Variants in MEI4 observed in about 807,000 individuals in gnomAD.
MEI4 encodes the protein meiotic double-stranded break formation protein 4.
A neutral mutation model predicts 31.4 loss-of-function variants in MEI4; 27 were observed. The ratio of observed to expected loss-of-function variants is 0.86; its 90% CI spans 0.63 to 1.19. MEI4 has a LOEUF of 1.19. Ranked by LOEUF, MEI4 falls within the 50% of genes most tolerant of loss-of-function variation. The probability of loss-of-function intolerance (pLI) is 0.00; values close to 1 mark genes in which losing one functional copy is unlikely to be tolerated. For missense variants in MEI4, 329 were observed against 398.9 expected (o/e 0.82, Z 1.49); for synonymous variants, 122 against 145.4 (o/e 0.84, Z 1.16).
intron 1 of MEI4, among the ~76,000 whole-genome samples, chr6:77,664,015 T>G (rs954212665): frequency 6.6e-6 from 1 of 152,182 alleles, no homozygotes; most frequent in Admixed American, 6.5e-5. Flanking sequence ...TTCCGGCACA[T>G]GTAGCAAGCT....
intron 3 of MEI4, among the ~76,000 whole-genome samples, chr6:77,827,632 T>C (rs1769987454): frequency 6.6e-6 from 1 of 152,070 alleles, no homozygotes; most frequent in African/African-American, 2.4e-5. Flanking sequence ...CAGGAAGATG[T>C]GAAAGAAAAA....
intron 3 of MEI4, among the ~76,000 whole-genome samples, chr6:77,773,015 A>G (rs1238517051): frequency 3.3e-5 from 5 of 152,038 alleles, no homozygotes; most frequent in Admixed American, 3.3e-4. Context: ...TGAAAACTGT[A>G]AAACACTGAT....
At chr6:77,861,721 C>G (rs922410946) in intron 4 of MEI4, among the ~76,000 whole-genome samples, 1 of 152,142 alleles carries the variant, frequency 6.6e-6, no homozygotes, top group Admixed American at 6.6e-5. Flanking sequence ...CTTGGATGAA[C>G]TTAAGCAAGT....
chr6:77,802,615 T>C (rs1769299401), intron 3 of MEI4, among the ~76,000 whole-genome samples: 1 of 152,204 alleles, frequency 6.6e-6, no homozygotes, highest in South Asian at 2.1e-4. Context: ...GCACCAGTTG[T>C]TCCTTTCCAT....
intron 2 of MEI4, among the ~76,000 whole-genome samples, chr6:77,745,574 T>C (rs898750389): frequency 3.3e-5 from 5 of 152,052 alleles, no homozygotes; most frequent in African/African-American, 9.7e-5. Flanking sequence ...GACAGAAAGT[T>C]AACAAGGATA....
chr6:77,650,389 G>C (rs1455044333), upstream of MEI4, among the ~76,000 whole-genome samples: 1 of 152,182 alleles, frequency 6.6e-6, no homozygotes, highest in East Asian at 1.9e-4. Context: ...TGTGGTCTCC[G>C]GGACCTGCTC....
chr6:77,898,028 T>G (rs1766119056), intron 4 of MEI4, among the ~76,000 whole-genome samples: 1 of 152,060 alleles, frequency 6.6e-6, no homozygotes, highest in African/African-American at 2.4e-5. Context: ...TGATTTTATG[T>G]ATGTAAGTAT....
chr6:77,652,504 A>T (rs1768317968), upstream of MEI4, among the ~76,000 whole-genome samples: 2 of 152,106 alleles, frequency 1.3e-5, no homozygotes, highest in Admixed American at 6.6e-5. Context: ...ACGTATTGAA[A>T]GGTAGAAGTC....
chr6:77,921,175 A>ATTATC (rs1348114693), intron 4 of MEI4, among the ~76,000 whole-genome samples: 1 of 151,794 alleles, frequency 6.6e-6, no homozygotes, highest in Non-Finnish European at 1.5e-5. Context: ...ACCTTCATTT[A>ATTATC]TTATCTTACC....
intron 1 of MEI4, among the ~76,000 whole-genome samples, chr6:77,656,354 A>G (rs1768395079): frequency 6.6e-6 from 1 of 152,142 alleles, no homozygotes; most frequent in Non-Finnish European, 1.5e-5. Flanking sequence ...AAAAAAACAA[A>G]ACAGGGCATA....
chr6:77,757,787 G>T (rs575934399), intron 2 of MEI4, among the ~76,000 whole-genome samples: 279 of 152,208 alleles, frequency 1.8e-3, no homozygotes, highest in African/African-American at 6.3e-3. Context: ...TTATTTATGT[G>T]AAGAATGAAG....
At chr6:77,845,328 A>T (rs1353160346) in intron 4 of MEI4, among the ~76,000 whole-genome samples, 1 of 152,056 alleles carries the variant, frequency 6.6e-6, no homozygotes, top group Non-Finnish European at 1.5e-5. Flanking sequence ...TTTTTCAGAG[A>T]GTTCTCTTTC....
At chr6:77,712,570 A>T (rs989094696) in intron 2 of MEI4, among the ~76,000 whole-genome samples, 2 of 152,232 alleles carry the variant, frequency 1.3e-5, no homozygotes, top group East Asian at 3.8e-4. Context: ...CATGCTTAAT[A>T]TAAAAGACTT....
At chr6:77,779,792 C>T (rs1179617310) in intron 3 of MEI4, among the ~76,000 whole-genome samples, 1 of 152,142 alleles carries the variant, frequency 6.6e-6, no homozygotes, top group Admixed American at 6.5e-5. Flanking sequence ...AGGAACATGG[C>T]ATGCAGATGG....
intron 3 of MEI4, among the ~76,000 whole-genome samples, chr6:77,778,227 G>T (rs924966657): frequency 1.3e-5 from 2 of 151,972 alleles, no homozygotes; most frequent in Admixed American, 6.6e-5. Context: ...CAAATTGTAG[G>T]CATCCATAGT....
chr6:77,899,057 T>C lies in MEI4; in HGVS notation c.901-24032T>C, dbSNP rs537187698. On this transcript the variant is annotated intron_variant, in intron 4 of 4. Transcript: ENST00000684080. ...TCTATTAATCCATGGGTGTCCCTCA[T>C]TCTCAAGCTTACAAAGAAGCTATTC... Among the ~76,000 whole-genome samples the C allele has an allele frequency of 2.6e-5, 4 of 152,092 alleles. No individual in the cohort carries two copies. In the South Asian group the frequency reaches 6.2e-4, roughly 24 times the overall value.
chr6:77,692,219 C>T (rs1244828584), intron 2 of MEI4, among the ~76,000 whole-genome samples: 1 of 152,046 alleles, frequency 6.6e-6, no homozygotes, highest in African/African-American at 2.4e-5. Context: ...TTTTAAGTGA[C>T]ACCTCCTCAG....
intron 3 of MEI4, among the ~76,000 whole-genome samples, chr6:77,801,937 G>A (rs1056570732): frequency 1.6e-4 from 24 of 152,176 alleles, no homozygotes; most frequent in African/African-American, 5.5e-4. Flanking sequence ...TGAAAGGAAT[G>A]TATATTCTGT....
chr6:77,837,455 G>A (rs1770246885), intron 4 of MEI4, among the ~76,000 whole-genome samples: 1 of 152,126 alleles, frequency 6.6e-6, no homozygotes, highest in Non-Finnish European at 1.5e-5. Flanking sequence ...ATGAAAAGAA[G>A]GAGACAGACC....
Sources: gnomAD v4.1 joint callset for allele counts (sites outside exome capture counted in the v4.1 genomes callset) on GRCh38, gnomAD v4.1.1 for gene constraint, MANE v1.5 for transcripts, NCBI Gene and HGNC (gene_info 2026-07-23, HGNC 2026-07-21) for gene names.